TUSC7: variants seen among roughly 807,000 people sequenced by gnomAD.
TUSC7 encodes LSAMP antisense RNA 3.
At chr3:116,714,750 C>T (rs2051491940) in intron 1 of TUSC7, among the ~76,000 whole-genome samples, 1 of 152,140 alleles carries the variant, frequency 6.6e-6, no homozygotes, top group Admixed American at 6.5e-5. Flanking sequence ...ATAGCCCCTC[C>T]CTCCACAAGG....
intron 1 of TUSC7, chr3:116,716,896 T>C (rs2107473379): frequency 6.6e-6 from 1 of 152,272 alleles, no homozygotes; most frequent in Non-Finnish European, 1.5e-5. Flanking sequence ...CTTGAGTATA[T>C]TTAATTGTTA....
At chr3:116,711,163 A>T (rs567622917) in intron 1 of TUSC7, among the ~76,000 whole-genome samples, 3 of 152,334 alleles carry the variant, frequency 2.0e-5, no homozygotes, top group Admixed American at 6.5e-5. Context: ...CATCAGTGTA[A>T]GTATTGGTAG....
chr3:116,711,894 C>T (rs1201423303), intron 1 of TUSC7, among the ~76,000 whole-genome samples: 1 of 152,104 alleles, frequency 6.6e-6, no homozygotes, highest in Non-Finnish European at 1.5e-5. Context: ...TAAACCTAAA[C>T]CTAAATCTTG....
At chr3:116,711,739 G>A (rs571690499) in intron 1 of TUSC7, among the ~76,000 whole-genome samples, 4 of 152,228 alleles carry the variant, frequency 2.6e-5, no homozygotes, top group South Asian at 2.1e-4. Flanking sequence ...GGGCTGTAAC[G>A]AAACTCAGTT....
chr3:116,711,423 C>G lies in TUSC7; in HGVS notation n.98+1547C>G, dbSNP rs960605155. ...ATATATGAATTGTGATTTCTCCTTT[C>G]AGGGACTAAGAGGGCATGATTATTA... is the stretch of plus-strand genomic sequence containing the variant. On this transcript the variant is annotated intron_variant and non_coding_transcript_variant, in intron 1 of 2. Coordinates refer to ENST00000477805, the Ensembl canonical transcript of TUSC7. Among the ~76,000 whole-genome samples the G allele has an allele frequency of 2.6e-5, 4 of 152,132 alleles. No homozygotes were observed. The East Asian group carries it at 7.7e-4, about 29-fold the overall frequency.
intron 1 of TUSC7, among the ~76,000 whole-genome samples, chr3:116,713,703 C>T (rs533457064): frequency 2.0e-5 from 3 of 152,142 alleles, no homozygotes; most frequent in East Asian, 1.9e-4. Flanking sequence ...TGGGGGCTCA[C>T]GCCTGTAATC....
chr3:116,712,614 C>T (rs1007111344), intron 1 of TUSC7: 2 of 152,132 alleles, frequency 1.3e-5, no homozygotes, highest in African/African-American at 4.8e-5. Context: ...CGTATGAAAA[C>T]TGTCTACAAG....
chr3:116,711,301 T>C (rs754556537), intron 1 of TUSC7, among the ~76,000 whole-genome samples: 1 of 152,148 alleles, frequency 6.6e-6, no homozygotes, highest in Non-Finnish European at 1.5e-5. Context: ...TCTCTCTTCA[T>C]CCTCCTTACA....
chr3:116,713,330 CCTAA>C (rs1437356972), intron 1 of TUSC7, among the ~76,000 whole-genome samples: 1 of 152,096 alleles, frequency 6.6e-6, no homozygotes, highest in Non-Finnish European at 1.5e-5. Context: ...GCTGACACTC[CCTAA>C]CTGTTAACAG....
chr3:116,713,978 AAAG>A (rs1180790061), intron 1 of TUSC7: 8 of 152,334 alleles, frequency 5.3e-5, no homozygotes, highest in African/African-American at 1.9e-4. Flanking sequence ...AAGAAAAAGA[AAAG>A]AAAAGAAAAA....
rs2051472181 is a variant in TUSC7 at position 116,712,709 on chromosome 3, A to T, written n.98+2833A>T. On this transcript the variant is annotated intron_variant and non_coding_transcript_variant, in intron 1 of 2. Transcript: ENST00000477805. ...TAAGCAGAGTAAGAGGACAGAATTG[A>T]AGAAAGGAGAGAGATATGCTAAGTT... 1.3e-5 allele frequency: 2 copies of T among 152,128 alleles called. 1 individual carries two copies. The highest frequency in any genetic ancestry group is 4.1e-4 in the South Asian group (2 of 4,828). The allele number at this position is 152,128 out of a possible 1,614,324, so 9.4% of individuals were successfully genotyped here.
intron 1 of TUSC7, chr3:116,716,061 C>A (rs1180704391): frequency 2.0e-5 from 3 of 152,112 alleles, no homozygotes; most frequent in African/African-American, 7.2e-5. Context: ...ATGGCAAAGG[C>A]CTTAAATGTA....
chr3:116,714,979 T>G (rs2051493876), intron 1 of TUSC7, among the ~76,000 whole-genome samples: 1 of 152,212 alleles, frequency 6.6e-6, no homozygotes, highest in Non-Finnish European at 1.5e-5. Flanking sequence ...ATCCTCTGTG[T>G]TCTGCATATT....
At chr3:116,714,540 C>G (rs1382179654) in intron 1 of TUSC7, among the ~76,000 whole-genome samples, 2 of 152,166 alleles carry the variant, frequency 1.3e-5, no homozygotes, top group Admixed American at 1.3e-4. Flanking sequence ...AGAATCTGAA[C>G]TTCTAAAACA....
intron 1 of TUSC7, chr3:116,712,691 A>C (rs1185833252): frequency 6.6e-6 from 1 of 152,156 alleles, no homozygotes; most frequent in South Asian, 2.1e-4. Context: ...GAATAAGCAG[A>C]GTAAGAGGAC....
intron 1 of TUSC7, among the ~76,000 whole-genome samples, chr3:116,714,599 G>A (rs1451925400): frequency 6.6e-6 from 1 of 152,142 alleles, no homozygotes; most frequent in Admixed American, 6.6e-5. Flanking sequence ...ATTTCAAATA[G>A]CAAGACCTGT....
chr3:116,711,208 G>T (rs1275143177), intron 1 of TUSC7, among the ~76,000 whole-genome samples: 1 of 152,112 alleles, frequency 6.6e-6, no homozygotes, highest in Non-Finnish European at 1.5e-5. Flanking sequence ...AATGTTCTTG[G>T]AGTTCTAAGA....
At chr3:116,711,248 C>A (rs1576301091) in intron 1 of TUSC7, among the ~76,000 whole-genome samples, 1 of 152,152 alleles carries the variant, frequency 6.6e-6, no homozygotes, top group African/African-American at 2.4e-5. Flanking sequence ...ATTTTCTCTG[C>A]AGCTTTAATG....
At chr3:116,714,677 T>G (rs567205987) in intron 1 of TUSC7, among the ~76,000 whole-genome samples, 2 of 152,290 alleles carry the variant, frequency 1.3e-5, no homozygotes, top group South Asian at 4.2e-4. Context: ...ACATATCATT[T>G]TTTAAAAGAT....
Sources: allele counts gnomAD v4.1 joint callset (sites outside exome capture counted in the v4.1 genomes callset), GRCh38; gene constraint gnomAD v4.1.1; transcripts MANE v1.5; gene names NCBI Gene and HGNC (gene_info 2026-07-23, HGNC 2026-07-21).